The following DHRS9 variants were observed in gnomAD, a reference collection of about 807,000 sequenced individuals.
The protein encoded by DHRS9 is dehydrogenase/reductase SDR family member 9.
Under a neutral mutation model 26.6 loss-of-function variants are expected in DHRS9, and 18 were observed. The observed-to-expected ratio is 0.68, with a 90% confidence interval of 0.47 to 1.00. The LOEUF (loss-of-function observed/expected upper bound fraction) is 1.00. DHRS9 is among the 50% of genes least tolerant of loss of function. The pLI, the probability that DHRS9 is intolerant of heterozygous loss-of-function variation, is 0.00. For synonymous variants in DHRS9, 134 were observed against 141.1 expected (o/e 0.95, Z 0.36); for missense variants, 425 against 378.7 (o/e 1.12, Z -1.01).
intron 4 of DHRS9, among the ~76,000 whole-genome samples, chr2:169,092,345 C>G (rs1238050660): frequency 1.3e-5 from 2 of 152,188 alleles, no homozygotes; most frequent in Non-Finnish European, 2.9e-5. Context: ...CTCTTTTCCT[C>G]AAGCACCAGC....
intron 1 of DHRS9, among the ~76,000 whole-genome samples, chr2:169,077,059 G>A (rs1033371819): frequency 2.0e-5 from 3 of 152,168 alleles, no homozygotes; most frequent in Non-Finnish European, 4.4e-5. Context: ...TAAGACATAA[G>A]TGGATCCAGG....
rs548955748 is a variant in DHRS9, at chr2:169,084,314, T to C, written c.572+727T>C. On this transcript the variant is annotated intron_variant, in intron 3 of 4. Transcript: ENST00000674881. The stretch of plus-strand genomic sequence containing the variant: ...TACAACGAACATGATAGTGTAGATA[T>C]CTCTTTGATATGTTTATTTCCTTTC... Among the ~76,000 whole-genome samples, 18 of 152,302 alleles carry C rather than the reference T, an allele frequency of 1.2e-4. No individual in the cohort carries two copies. In the East Asian group the frequency reaches 1.7e-3, roughly 15 times the overall value.
chr2:169,081,030 A>G (rs965788480), intron 1 of DHRS9: 32 of 617,706 alleles, frequency 5.2e-5, no homozygotes, highest in Non-Finnish European at 6.3e-5. Context: ...GCAACAAAAA[A>G]TGCTCTTCTT....
At chr2:169,082,580 C>T (rs1045749966) in intron 2 of DHRS9, among the ~76,000 whole-genome samples, 1 of 152,092 alleles carries the variant, frequency 6.6e-6, no homozygotes, top group Non-Finnish European at 1.5e-5. Flanking sequence ...GACTCTGAAG[C>T]TCAAAAGCAA....
chr2:169,070,124 C>T, intron 1 of DHRS9: 1 of 985,448 alleles, frequency 1.0e-6, no homozygotes, highest in Non-Finnish European at 1.2e-6. Context: ...TCTCTGTCAA[C>T]TGCAGGTCTG....
chr2:169,094,044 ATT>A (rs1476005273), intron 4 of DHRS9, among the ~76,000 whole-genome samples: 1 of 152,204 alleles, frequency 6.6e-6, no homozygotes. Flanking sequence ...ACTAATTTAC[ATT>A]CTCACAAACA....
At chr2:169,073,148 C>A (rs1285028475) in intron 1 of DHRS9, among the ~76,000 whole-genome samples, 1 of 152,088 alleles carries the variant, frequency 6.6e-6, no homozygotes, top group Non-Finnish European at 1.5e-5. Context: ...TACTAAACAT[C>A]AACATAATGC....
At chr2:169,067,452 G>A (rs1051221047), upstream of DHRS9, among the ~76,000 whole-genome samples, 1 of 152,158 alleles carries the variant, frequency 6.6e-6, no homozygotes, top group African/African-American at 2.4e-5. Context: ...AAGTATGGGA[G>A]GCATACAGAT....
intron 1 of DHRS9, among the ~76,000 whole-genome samples, chr2:169,072,022 T>C (rs1048292167): frequency 6.6e-6 from 1 of 151,842 alleles, no homozygotes; most frequent in Non-Finnish European, 1.5e-5. Context: ...TTTTTTTTTT[T>C]TTAAACAAAA....
At chr2:169,083,021 AAAGTAT>A in intron 2 of DHRS9, among the ~76,000 whole-genome samples, 1 of 152,202 alleles carries the variant, frequency 6.6e-6, no homozygotes. Flanking sequence ...CCTAAAACTT[AAAGTAT>A]AATAAGAAAA....
At chr2:169,082,196 C>T (rs1479340802) in intron 2 of DHRS9, among the ~76,000 whole-genome samples, 1 of 152,100 alleles carries the variant, frequency 6.6e-6, no homozygotes, top group Non-Finnish European at 1.5e-5. Flanking sequence ...TCCCCTGCCC[C>T]ATATACAGCA....
chr2:169,078,493 T>C (rs931018260), intron 1 of DHRS9, among the ~76,000 whole-genome samples: 2 of 152,244 alleles, frequency 1.3e-5, no homozygotes, highest in African/African-American at 4.8e-5. Flanking sequence ...AGCAAAACGC[T>C]ATATTAGTTG....
chr2:169,095,825 A>T lies in DHRS9; in HGVS notation c.*58A>T. The T allele has an allele frequency of 6.8e-7, 1 of 1,481,450 alleles. No homozygotes were observed. The highest frequency in any genetic ancestry group is 1.4e-5 in the African/African-American group (1 of 71,858). The allele number at this position is 1,481,450 out of a possible 1,614,324, so 91.8% of individuals were successfully genotyped here. A position where few individuals can be genotyped will look rare whatever the true frequency, so the allele number is the denominator to read the frequency against. On this transcript the variant is annotated 3_prime_UTR_variant, in exon 5 of 5. Transcript: ENST00000674881. Reference sequence around the variant, plus strand: ...TGAAATTGGCCGATTTCAAGAACACATCTCCTTTTCAACCCCATTCCTTAT... The same window carrying T: ...TGAAATTGGCCGATTTCAAGAACACTTCTCCTTTTCAACCCCATTCCTTAT...
intron 1 of DHRS9, chr2:169,081,245 C>A: frequency 1.1e-6 from 1 of 885,636 alleles, no homozygotes; most frequent in Non-Finnish European, 1.5e-6. Context: ...CTGGCCGTGG[C>A]AACTCAATGG....
At chr2:169,093,149 C>G (rs1373051318) in intron 4 of DHRS9, among the ~76,000 whole-genome samples, 1 of 152,038 alleles carries the variant, frequency 6.6e-6, no homozygotes, top group African/African-American at 2.4e-5. Context: ...AGGGTTCCAC[C>G]TAACTATGGG....
chr2:169,068,808 G>A (rs560206041), upstream of DHRS9, among the ~76,000 whole-genome samples: 143 of 152,288 alleles, frequency 9.4e-4, no homozygotes, highest in African/African-American at 3.4e-3. Context: ...AATCAGCAAA[G>A]TGGTATTTGT....
intron 3 of DHRS9, among the ~76,000 whole-genome samples, chr2:169,090,039 A>G (rs1684472351): frequency 1.3e-5 from 2 of 152,244 alleles, no homozygotes; most frequent in African/African-American, 4.8e-5. Context: ...AGGGTTTGTG[A>G]GCTTTGCCAT....
intron 1 of DHRS9, chr2:169,072,668 T>C: frequency 2.0e-6 from 2 of 985,310 alleles, no homozygotes; most frequent in Non-Finnish European, 2.4e-6. Flanking sequence ...AGGCAGTTAC[T>C]ATAAAGCATT....
intron 3 of DHRS9, among the ~76,000 whole-genome samples, chr2:169,089,455 T>G (rs138556574): frequency 1.2e-4 from 18 of 152,274 alleles, no homozygotes; most frequent in Middle Eastern, 3.4e-3. Context: ...AGGAAAGGAC[T>G]AGAGAAGCAA....
Sources: allele counts gnomAD v4.1 joint callset (sites outside exome capture counted in the v4.1 genomes callset), GRCh38; gene constraint gnomAD v4.1.1; transcripts MANE v1.5; gene names NCBI Gene and HGNC (gene_info 2026-07-23, HGNC 2026-07-21).